The following CNTN5 variants were observed in gnomAD, a reference collection of about 807,000 sequenced individuals.
CNTN5 encodes the protein contactin 5, also known as contactin-5.
A neutral mutation model predicts 129.1 loss-of-function variants in CNTN5; 77 were observed. The ratio of observed to expected loss-of-function variants is 0.60; its 90% CI spans 0.50 to 0.72. The LOEUF is 0.72. Among genes scored for constraint, CNTN5 ranks in the 30% least tolerant of loss-of-function variants. CNTN5 has a pLI of 0.00. For missense variants in CNTN5, 1,478 were observed against 1,328.8 expected, an observed-to-expected ratio of 1.11 and a Z score of -1.75; for synonymous variants, 509 against 465.6, an observed-to-expected ratio of 1.09 and a Z score of -1.20.
intron 1 of CNTN5, among the ~76,000 whole-genome samples, chr11:99,302,230 A>G (rs1864676158): frequency 6.6e-6 from 1 of 151,714 alleles, no homozygotes; most frequent in South Asian, 2.1e-4. Context: ...TAAAGCTGAA[A>G]AGTAAGAAAC....
intron 1 of CNTN5, among the ~76,000 whole-genome samples, chr11:99,101,330 T>C (rs559513955): frequency 1.3e-5 from 2 of 152,238 alleles, no homozygotes; most frequent in African/African-American, 4.8e-5. Context: ...CCCTGGCCTC[T>C]CCCAAATCTC....
intron 1 of CNTN5, among the ~76,000 whole-genome samples, chr11:99,266,544 G>A (rs1327579650): frequency 2.6e-5 from 4 of 152,090 alleles, no homozygotes; most frequent in East Asian, 1.9e-4. Flanking sequence ...TGAGGCTGTA[G>A]TGAGTAATCA....
chr11:99,172,713 G>A (rs146179302), intron 1 of CNTN5, among the ~76,000 whole-genome samples: 57 of 152,296 alleles, frequency 3.7e-4, no homozygotes, highest in African/African-American at 1.2e-3. Flanking sequence ...CCGAATGAAA[G>A]AAGTTGACTT....
At chr11:99,088,790 C>A (rs970848712) in intron 1 of CNTN5, among the ~76,000 whole-genome samples, 1 of 152,090 alleles carries the variant, frequency 6.6e-6, no homozygotes, top group Non-Finnish European at 1.5e-5. Flanking sequence ...AGGATGGAGA[C>A]CTTGAATTTA....
rs751228240 is a variant in CNTN5 at position 100,074,329 on chromosome 11, A to G, written c.1580+35A>G. 5 of 1,537,634 alleles carry G rather than the reference A, an allele frequency of 3.3e-6. No homozygotes were observed. In the Admixed American group the frequency reaches 6.1e-5, roughly 19 times the overall value. On this transcript the variant is annotated intron_variant, in intron 13 of 24. Transcript: ENST00000524871. ...TATTTTATAATTCAAGTTCAACATTAGACTTTTTTGAGGTTACAGGTGACA... is the reference window on the plus strand; with the variant it reads ...TATTTTATAATTCAAGTTCAACATTGGACTTTTTTGAGGTTACAGGTGACA...
At chr11:99,927,150 C>T (rs1362127982) in intron 7 of CNTN5, among the ~76,000 whole-genome samples, 1 of 152,034 alleles carries the variant, frequency 6.6e-6, no homozygotes, top group Admixed American at 6.6e-5. Context: ...CTAGAATTAG[C>T]CATCTCTTTG....
At chr11:99,598,374 C>G in intron 3 of CNTN5, among the ~76,000 whole-genome samples, 2 of 15,022 alleles carry the variant, frequency 1.3e-4, no homozygotes, top group African/African-American at 2.7e-4. Flanking sequence ...CTCTCTCTCT[C>G]CCTCTCTCTC....
intron 17 of CNTN5, among the ~76,000 whole-genome samples, chr11:100,256,756 A>G (rs1270613092): frequency 6.6e-6 from 1 of 152,008 alleles, no homozygotes; most frequent in Non-Finnish European, 1.5e-5. Context: ...CATGAGGAAC[A>G]GTGCACACCA....
rs112643629 is a variant in CNTN5, at chr11:100,321,806, A to G, written c.2730+13338A>G. Among the ~76,000 whole-genome samples, 881 of 152,302 alleles carry G rather than the reference A, an allele frequency of 5.8e-3. 16 individuals are homozygous for G. Among genetic ancestry groups the G allele is most frequent in the African/African-American group, 0.02 (822 of 41,560 alleles). On this transcript the variant is annotated intron_variant, in intron 21 of 24. Coordinates refer to ENST00000524871, the MANE Select transcript of CNTN5 (RefSeq NM_014361.4). The stretch of plus-strand genomic sequence containing the variant: ...CTTTTTTGCATTTACTGAAATGATC[A>G]TATGGTTTTTGTCTTTCATTCCAGT...
intron 3 of CNTN5, among the ~76,000 whole-genome samples, chr11:99,657,765 T>C (rs1418484954): frequency 2.6e-5 from 4 of 152,122 alleles, no homozygotes; most frequent in Non-Finnish European, 5.9e-5. Context: ...ACATCTGTTA[T>C]GTCACATTTG....
intron 13 of CNTN5, among the ~76,000 whole-genome samples, chr11:100,114,639 G>GT (rs531697086): frequency 5.9e-4 from 90 of 151,844 alleles, no homozygotes; most frequent in Admixed American, 9.9e-4. Flanking sequence ...TCTTACAGAA[G>GT]TTTTTTTTCC....
In CNTN5 at chr11:99,531,385, C is replaced by G. The variant is rs1329486988; in HGVS notation, c.-70-24760C>G. 2.0e-5 allele frequency among the ~76,000 whole-genome samples: 3 copies of G among 152,118 alleles called. No homozygotes were observed. The South Asian group carries it at 6.2e-4, about 32-fold the overall frequency. ...CATTCAATTTTTAAAAGGGAAACAG[C>G]ATAAAAGTTCAGAAAATTTGCAGCC... On this transcript the variant is annotated intron_variant, in intron 2 of 24. Coordinates refer to ENST00000524871, the MANE Select transcript of CNTN5 (RefSeq NM_014361.4).
intron 6 of CNTN5, among the ~76,000 whole-genome samples, chr11:99,894,976 T>C (rs1458775087): frequency 6.6e-6 from 1 of 152,210 alleles, no homozygotes; most frequent in Non-Finnish European, 1.5e-5. Context: ...GCCCCAAGCA[T>C]TTACAATAAT....
intron 2 of CNTN5, among the ~76,000 whole-genome samples, chr11:99,537,623 C>T (rs953474974): frequency 6.6e-6 from 1 of 152,080 alleles, no homozygotes; most frequent in Admixed American, 6.6e-5. Context: ...TACTACCAAC[C>T]CCACCATCAC....
intron 8 of CNTN5, among the ~76,000 whole-genome samples, chr11:99,966,800 T>G (rs1951106688): frequency 1.3e-5 from 2 of 152,174 alleles, no homozygotes; most frequent in Non-Finnish European, 1.5e-5. Flanking sequence ...AATATCCTAA[T>G]GTTGAACAAA....
intron 3 of CNTN5, among the ~76,000 whole-genome samples, chr11:99,819,054 T>C (rs199843659): frequency 6.6e-6 from 1 of 152,018 alleles, no homozygotes; most frequent in South Asian, 2.1e-4. Flanking sequence ...TATCTATGTT[T>C]GTAGAATATA....
intron 3 of CNTN5, among the ~76,000 whole-genome samples, chr11:99,680,414 AAGTT>A (rs1953499180): frequency 1.3e-5 from 2 of 152,148 alleles, no homozygotes; most frequent in African/African-American, 4.8e-5. Flanking sequence ...GACCTCTTAA[AAGTT>A]AGGCTAAATC....
At chr11:100,121,749 T>C (rs1452710875) in intron 13 of CNTN5, among the ~76,000 whole-genome samples, 1 of 152,092 alleles carries the variant, frequency 6.6e-6, no homozygotes, top group Non-Finnish European at 1.5e-5. Context: ...AGTCTCTTGT[T>C]TTCTTTTCAT....
chr11:99,083,171 T>G (rs1392893013), intron 1 of CNTN5, among the ~76,000 whole-genome samples: 2 of 152,286 alleles, frequency 1.3e-5, no homozygotes, highest in African/African-American at 4.8e-5. Flanking sequence ...CTGAATGCAT[T>G]TACTGTGTTA....
Sources: gnomAD v4.1 joint callset for allele counts (sites outside exome capture counted in the v4.1 genomes callset) on GRCh38, gnomAD v4.1.1 for gene constraint, MANE v1.5 for transcripts, NCBI Gene and HGNC (gene_info 2026-07-23, HGNC 2026-07-21) for gene names.